Variants in DCTD observed in about 807,000 individuals in gnomAD.
DCTD encodes deoxycytidylate deaminase.
In DCTD, 23 loss-of-function variants were observed where a neutral mutation model predicts 21.0. The observed-to-expected ratio is 1.09, with a 90% CI of 0.79 to 1.55. The LOEUF (loss-of-function observed/expected upper bound fraction) is 1.55. Among genes scored for constraint, DCTD ranks in the 40% most tolerant of loss-of-function variants. The pLI is 0.00. For missense variants in DCTD, 224 were observed against 230.0 expected, an observed-to-expected ratio of 0.97 and a Z score of 0.17; for synonymous variants, 71 against 81.1, an observed-to-expected ratio of 0.88 and a Z score of 0.67.
At chr4:182,916,022 G>T (rs1579796281) in intron 1 of DCTD, 1 of 303,518 alleles carries the variant, frequency 3.3e-6, no homozygotes, top group Non-Finnish European at 5.0e-6. Context: ...GGTAGACAGT[G>T]CCATCCCATC....
intron 3 of DCTD, among the ~76,000 whole-genome samples, chr4:182,913,536 C>T (rs1349771926): frequency 6.6e-6 from 1 of 152,146 alleles, no homozygotes; most frequent in East Asian, 1.9e-4. Flanking sequence ...ATAAATTAGA[C>T]TAAATGTTGA....
intron 2 of DCTD, 138 bp from the exon 3 acceptor site, chr4:182,915,196 C>T (rs1738503489): frequency 1.7e-6 from 2 of 1,165,296 alleles, no homozygotes; most frequent in Non-Finnish European, 2.4e-6. Flanking sequence ...CTGTCGGTCT[C>T]CTTGCCTGGT....
At chr4:182,896,859 A>G (rs1249991255) in intron 3 of DCTD, among the ~76,000 whole-genome samples, 1 of 152,224 alleles carries the variant, frequency 6.6e-6, no homozygotes, top group East Asian at 1.9e-4. Context: ...ATATTTATCG[A>G]ATGAATAAAG....
chr4:182,901,993 C>T (rs1255405009), intron 3 of DCTD, among the ~76,000 whole-genome samples: 1 of 152,128 alleles, frequency 6.6e-6, no homozygotes, highest in Non-Finnish European at 1.5e-5. Flanking sequence ...TGGAAACTTC[C>T]GCTGAGGGAT....
intron 2 of DCTD, 92 bp from the exon 3 acceptor site, chr4:182,915,150 T>C: frequency 1.3e-6 from 2 of 1,512,488 alleles, no homozygotes; most frequent in East Asian, 4.5e-5. Flanking sequence ...ACTGCAGAAC[T>C]CAAAACAGAC....
chr4:182,902,602 G>A (rs1735934749), intron 3 of DCTD, among the ~76,000 whole-genome samples: 1 of 152,244 alleles, frequency 6.6e-6, no homozygotes, highest in South Asian at 2.1e-4. Context: ...CCACCCAGGG[G>A]AGCAGCCCTT....
At chr4:182,907,761 T>A (rs900558440) in intron 3 of DCTD, among the ~76,000 whole-genome samples, 10 of 152,164 alleles carry the variant, frequency 6.6e-5, no homozygotes, top group African/African-American at 2.4e-4. Context: ...TCTAATGCCA[T>A]CAAAGCTATA....
Position 182,917,303 on chromosome 4 carries a change from C to A in DCTD, c.-8+8G>T. On this transcript the variant is annotated splice_region_variant and intron_variant, in intron 1 of 5. Transcript: ENST00000438320. The surrounding 1 kb of genome is among the most constrained non-coding windows in gnomAD (Gnocchi z 4.9). ...GGCCGCGTACCCGCACGGCTGGCCC[C>A]CGCCCACCATCCGGTGCCGGCTCCG... is the stretch of plus-strand genomic sequence containing the variant. 9.3e-7 allele frequency: 1 copy of A among 1,078,210 alleles called. No individual in the cohort carries two copies. Among genetic ancestry groups the A allele is most frequent in the African/African-American group, 1.7e-5 (1 of 59,376 alleles). The allele number at this position is 1,078,210 out of a possible 1,614,324, so 66.8% of individuals were successfully genotyped here.
intron 3 of DCTD, among the ~76,000 whole-genome samples, chr4:182,908,680 C>T (rs1196874085): frequency 1.4e-5 from 1 of 69,218 alleles, no homozygotes; most frequent in East Asian, 4.9e-4. Context: ...AAGACTCTGT[C>T]TCAAAAAAAA....
chr4:182,903,855 T>TTCAGCC (rs1736184244), intron 3 of DCTD, among the ~76,000 whole-genome samples: 1 of 152,156 alleles, frequency 6.6e-6, no homozygotes, highest in South Asian at 2.1e-4. Flanking sequence ...AAGCATCTTC[T>TTCAGCC]TCAGCCTCAG....
At chr4:182,916,683 G>A (rs975824711) in intron 1 of DCTD, 11 of 1,013,628 alleles carry the variant, frequency 1.1e-5, no homozygotes, top group African/African-American at 3.5e-5. Context: ...CTGGCTTTAG[G>A]GCCAGCATCC....
At chr4:182,911,310 T>G (rs1250135968) in intron 3 of DCTD, 1 of 152,096 alleles carries the variant, frequency 6.6e-6, no homozygotes, top group Non-Finnish European at 1.5e-5. Flanking sequence ...CCTCCAAATA[T>G]CAGCACATTG....
intron 1 of DCTD, chr4:182,916,899 A>C (rs1419933175): frequency 3.0e-6 from 3 of 1,009,074 alleles, no homozygotes; most frequent in African/African-American, 1.7e-5. Flanking sequence ...ACAACGATTC[A>C]GGAAGACACA....
chr4:182,893,337 G>A (rs1734154494), intron 4 of DCTD, among the ~76,000 whole-genome samples: 1 of 152,086 alleles, frequency 6.6e-6, no homozygotes, highest in Non-Finnish European at 1.5e-5. Context: ...CAGTCTTTAT[G>A]GATTTTTTTT....
At chr4:182,891,721 A>G (rs1006622721) in intron 5 of DCTD, among the ~76,000 whole-genome samples, 2 of 152,316 alleles carry the variant, frequency 1.3e-5, no homozygotes, top group Admixed American at 6.5e-5. Context: ...GAGTTCACGA[A>G]TTATTGGGGA....
chr4:182,917,346 G>T lies in DCTD; in HGVS notation c.-43C>A. On this transcript the variant is annotated 5_prime_UTR_variant, in exon 1 of 6. Coordinates refer to ENST00000438320, the MANE Select transcript of DCTD (RefSeq NM_001921.3). This position sits in a 1 kb window ranked among gnomAD's most constrained non-coding sequence, Gnocchi z 4.9. ...CGGCTCCGCGCGCAGGCCGGTGCTC[G>T]TCCCCGCCGCCGCCGTGCTCAGGGA... The T allele has an allele frequency of 9.1e-7, 1 of 1,094,058 alleles. No homozygotes were observed. The allele number at this position is 1,094,058 out of a possible 1,614,324, so 67.8% of individuals were successfully genotyped here.
intron 3 of DCTD, among the ~76,000 whole-genome samples, chr4:182,908,390 A>T (rs1737083415): frequency 6.6e-6 from 1 of 152,158 alleles, no homozygotes; most frequent in Non-Finnish European, 1.5e-5. Flanking sequence ...AGTTAAAGAA[A>T]TAAAGAAGTG....
At position 182,902,163 on chromosome 4, in the gene DCTD, T is replaced by C. The variant is rs147073948; in HGVS notation, c.245-7558A>G. Among the ~76,000 whole-genome samples, 1,233 of 152,214 alleles carry C rather than the reference T, an allele frequency of 8.1e-3. 18 individuals are homozygous for C. Among genetic ancestry groups the C allele is most frequent in the African/African-American group, 0.028 (1,173 of 41,530 alleles). On this transcript the variant is annotated intron_variant, in intron 3 of 5. Transcript: ENST00000438320. Reference sequence around the variant, plus strand: ...GCCTCCGCAGTCCCTATCCTGCACGTCAATAATTTAACAACGGAATAGCCG... The same window carrying C: ...GCCTCCGCAGTCCCTATCCTGCACGCCAATAATTTAACAACGGAATAGCCG...
chr4:182,899,022 G>T (rs1735236922), intron 3 of DCTD, among the ~76,000 whole-genome samples: 1 of 152,160 alleles, frequency 6.6e-6, no homozygotes, highest in South Asian at 2.1e-4. Context: ...TGTGTTTGCT[G>T]GGTCACCATA....
Sources: allele counts gnomAD v4.1 joint callset (sites outside exome capture counted in the v4.1 genomes callset), GRCh38; gene constraint gnomAD v4.1.1; non-coding constraint Gnocchi (gnomAD v3.1); transcripts MANE v1.5; gene names NCBI Gene and HGNC (gene_info 2026-07-23, HGNC 2026-07-21).